The following SCAPER variants were observed in gnomAD, a reference collection of about 807,000 sequenced individuals.
SCAPER encodes S-phase cyclin A associated protein in the ER.
In SCAPER, 98 loss-of-function variants were observed where a neutral mutation model predicts 182.2. The observed-to-expected ratio is 0.54, with a 90% CI of 0.46 to 0.64. The LOEUF is 0.64. Ranked by LOEUF, SCAPER falls within the 30% of genes least tolerant of loss-of-function variation. The pLI, the probability that SCAPER is intolerant of heterozygous loss-of-function variation, is 0.00. For synonymous variants in SCAPER, 605 were observed against 564.6 expected (o/e 1.07, Z -1.01); for missense variants, 1,432 against 1,690.0 (o/e 0.85, Z 2.68).
chr15:76,504,100 C>G (rs1450677522), intron 24 of SCAPER, among the ~76,000 whole-genome samples: 1 of 152,032 alleles, frequency 6.6e-6, no homozygotes, highest in East Asian at 1.9e-4. Context: ...ATTGCCCAGG[C>G]TAGCCTTGAA....
chr15:76,855,457 C>CA (rs34226154), intron 4 of SCAPER, among the ~76,000 whole-genome samples: 38,187 of 114,280 alleles, frequency 0.33, 6,583 homozygotes, highest in East Asian at 0.49. Flanking sequence ...TTCTGCACAG[C>CA]AAAAAAAAAA....
At chr15:76,683,791 A>G (rs1317710894) in intron 20 of SCAPER, among the ~76,000 whole-genome samples, 1 of 152,086 alleles carries the variant, frequency 6.6e-6, no homozygotes, top group African/African-American at 2.4e-5. Context: ...AGAAAAAGAA[A>G]TTCCAACCAA....
intron 20 of SCAPER, among the ~76,000 whole-genome samples, chr15:76,683,151 A>G (rs2147028245): frequency 6.6e-6 from 1 of 152,274 alleles, no homozygotes; most frequent in South Asian, 2.1e-4. Context: ...CAAGTATCTA[A>G]GAAATACGAT....
intron 27 of SCAPER, among the ~76,000 whole-genome samples, chr15:76,397,005 GA>G (rs1369212613): frequency 7.0e-6 from 1 of 142,356 alleles, no homozygotes; most frequent in Non-Finnish European, 1.5e-5. Context: ...AATTTTTTGA[GA>G]GTTTTTTTTT....
intron 26 of SCAPER, among the ~76,000 whole-genome samples, chr15:76,409,253 A>G (rs2957559): frequency 6.6e-6 from 1 of 152,164 alleles, no homozygotes; most frequent in Non-Finnish European, 1.5e-5. Context: ...TATCTTTTGC[A>G]TTGTAACTGT....
intron 17 of SCAPER, among the ~76,000 whole-genome samples, chr15:76,720,483 A>T (rs997050424): frequency 1.3e-5 from 2 of 152,204 alleles, no homozygotes; most frequent in African/African-American, 4.8e-5. Flanking sequence ...TTCTAGTTCT[A>T]GATCCCTGAG....
At chr15:76,720,596 T>A (rs2060172287) in intron 17 of SCAPER, among the ~76,000 whole-genome samples, 1 of 152,272 alleles carries the variant, frequency 6.6e-6, no homozygotes, top group East Asian at 1.9e-4. Context: ...ACCTGCTGTT[T>A]CCTGACTTTT....
chr15:76,854,183 C>T (rs1034837207), intron 4 of SCAPER, among the ~76,000 whole-genome samples: 2 of 151,886 alleles, frequency 1.3e-5, no homozygotes, highest in African/African-American at 2.4e-5. Context: ...GCAGGAGAAT[C>T]GCTTGAACCC....
At chr15:76,854,666 T>A (rs1391395341) in intron 4 of SCAPER, among the ~76,000 whole-genome samples, 3 of 151,202 alleles carry the variant, frequency 2.0e-5, no homozygotes, top group East Asian at 1.9e-4. Flanking sequence ...TCCTAAGTTT[T>A]AAAAAAAACA....
At chr15:76,392,751 ACT>A (rs1312690917) in intron 27 of SCAPER, among the ~76,000 whole-genome samples, 2 of 152,136 alleles carry the variant, frequency 1.3e-5, no homozygotes, top group Non-Finnish European at 2.9e-5. Context: ...GAAAGCTGAA[ACT>A]GAGCCCACAT....
chr15:76,421,192 C>A (rs1453841734), intron 26 of SCAPER, among the ~76,000 whole-genome samples: 3 of 152,296 alleles, frequency 2.0e-5, no homozygotes, highest in Middle Eastern at 3.4e-3. Flanking sequence ...TGAGGAATTG[C>A]CACACTGTCT....
intron 22 of SCAPER, among the ~76,000 whole-genome samples, chr15:76,596,753 T>C (rs1373601840): frequency 8.4e-6 from 1 of 119,696 alleles, no homozygotes; most frequent in Non-Finnish European, 2.0e-5. Flanking sequence ...TTCGATAAAA[T>C]TCAAAACCCT....
intron 7 of SCAPER, among the ~76,000 whole-genome samples, chr15:76,798,375 GAAAAGA>G (rs779610037): frequency 2.0e-4 from 28 of 137,946 alleles, no homozygotes; most frequent in Non-Finnish European, 3.7e-4. Flanking sequence ...AAAAAAAAAA[GAAAAGA>G]AAAAGAAAAA....
At chr15:76,885,674 G>A (rs552002608) in intron 1 of SCAPER, among the ~76,000 whole-genome samples, 18 of 152,140 alleles carry the variant, frequency 1.2e-4, no homozygotes, top group South Asian at 1.0e-3. Context: ...TGGCAGAGAC[G>A]GAGTTTCACC....
chr15:76,658,504 C>G (rs1303385940), intron 21 of SCAPER, among the ~76,000 whole-genome samples: 1 of 152,068 alleles, frequency 6.6e-6, no homozygotes, highest in Non-Finnish European at 1.5e-5. Flanking sequence ...TTTATAGATT[C>G]AATTCTATTC....
chr15:76,686,344 T>A (rs904741146), intron 20 of SCAPER, among the ~76,000 whole-genome samples: 1 of 152,000 alleles, frequency 6.6e-6, no homozygotes, highest in Non-Finnish European at 1.5e-5. Context: ...CAAATAAAAA[T>A]CAAGCCTATA....
In SCAPER at chr15:76,600,385, A is replaced by ATGTGTG. The variant is rs1484037449; in HGVS notation, c.2711+21378_2711+21379insCACACA. The stretch of plus-strand genomic sequence containing the variant: ...AATAGCATACTTGGAAAGTGTGTGT[A>ATGTGTG]TATGTGTGTGTGTGTGTGTGTGTGT... On this transcript the variant is annotated intron_variant, in intron 22 of 31. Coordinates refer to ENST00000563290, the MANE Select transcript of SCAPER (RefSeq NM_020843.4). Among the ~76,000 whole-genome samples the ATGTGTG allele has an allele frequency of 7.8e-5, 3 of 38,368 alleles. 1 individual carries two copies. The highest frequency in any genetic ancestry group is 1.5e-4 in the African/African-American group (3 of 19,534). 25.2% of individuals were successfully genotyped at this position (38,368 alleles called of 152,430 possible). A position where few individuals can be genotyped will look rare whatever the true frequency, so the allele number is the denominator to read the frequency against.
intron 23 of SCAPER, among the ~76,000 whole-genome samples, chr15:76,525,705 C>T (rs150843739): frequency 0.02 from 3,014 of 152,228 alleles, 56 homozygotes; most frequent in Non-Finnish European, 0.028. Flanking sequence ...TTTTTTATGG[C>T]TGTGTAGTAT....
intron 24 of SCAPER, 55 bp from the exon 25 acceptor site, chr15:76,471,390 A>G (rs1369600933): frequency 2.0e-6 from 3 of 1,524,770 alleles, no homozygotes; most frequent in Non-Finnish European, 2.6e-6. Context: ...TTCTTTAAAC[A>G]ATTAAAAATA....
Sources: gnomAD v4.1 joint callset for allele counts (sites outside exome capture counted in the v4.1 genomes callset) on GRCh38, gnomAD v4.1.1 for gene constraint, MANE v1.5 for transcripts, NCBI Gene and HGNC (gene_info 2026-07-23, HGNC 2026-07-21) for gene names.